Variants in SHANK2 observed in about 807,000 individuals in gnomAD.
The protein encoded by SHANK2 is SH3 and multiple ankyrin repeat domains 2.
SHANK2 carries 43 observed loss-of-function variants against 133.7 expected under a neutral mutation model. That is an observed-to-expected ratio of 0.32 (90% CI 0.25 to 0.41). SHANK2 has a LOEUF of 0.41. Among genes scored for constraint, SHANK2 ranks in the 10% least tolerant of loss-of-function variants. The pLI, the probability that SHANK2 is intolerant of heterozygous loss-of-function variation, is 1.00. For synonymous variants in SHANK2, 1,017 were observed against 952.8 expected, an observed-to-expected ratio of 1.07 and a Z score of -1.24; for missense variants, 1,994 against 2,235.8, an observed-to-expected ratio of 0.89 and a Z score of 2.18.
At chr11:70,797,778 C>A (rs10400268) in intron 14 of SHANK2, among the ~76,000 whole-genome samples, 1 of 151,468 alleles carries the variant, frequency 6.6e-6, no homozygotes, top group Admixed American at 6.6e-5. Flanking sequence ...CGTTCACATG[C>A]GGACTGCTTT....
intron 15 of SHANK2, among the ~76,000 whole-genome samples, chr11:70,697,764 C>T (rs1443050600): frequency 3.3e-5 from 5 of 152,170 alleles, no homozygotes; most frequent in African/African-American, 9.7e-5. Flanking sequence ...AAGAACCCAG[C>T]GTAGGGCTTC....
chr11:70,807,765 G>T lies in SHANK2; in HGVS notation c.1494-594C>A, dbSNP rs969450311. On this transcript the variant is annotated intron_variant, in intron 12 of 25. Transcript: ENST00000601538. This position sits in a 1 kb window ranked among gnomAD's most constrained non-coding sequence, Gnocchi z 4.8. Reference sequence around the variant, plus strand: ...GAATTGCTTAAACCTGGGAGGCGGAGGTTGCGGTGAGCCAAGACTGCACCA... The same window carrying T: ...GAATTGCTTAAACCTGGGAGGCGGATGTTGCGGTGAGCCAAGACTGCACCA... Among the ~76,000 whole-genome samples the T allele has an allele frequency of 2.0e-5, 3 of 152,156 alleles. No individual in the cohort carries two copies. Among genetic ancestry groups the T allele is most frequent in the Non-Finnish European group, 4.4e-5 (3 of 68,036 alleles).
At chr11:70,659,122 C>T (rs1212677820) in intron 17 of SHANK2, among the ~76,000 whole-genome samples, 1 of 152,150 alleles carries the variant, frequency 6.6e-6, no homozygotes, top group South Asian at 2.1e-4. Flanking sequence ...TGTACTGGGG[C>T]CTCCGAACCC....
chr11:70,645,483 A>T (rs189972838), intron 17 of SHANK2, among the ~76,000 whole-genome samples: 3 of 152,346 alleles, frequency 2.0e-5, no homozygotes, highest in Admixed American at 1.3e-4. Context: ...TCATCGAAAA[A>T]CACTCTGGAA....
At chr11:70,856,578 A>T (rs564623427) in intron 11 of SHANK2, among the ~76,000 whole-genome samples, 1 of 152,200 alleles carries the variant, frequency 6.6e-6, no homozygotes, top group African/African-American at 2.4e-5. Flanking sequence ...ATGGGAGGGT[A>T]GATAGATATA....
intron 2 of SHANK2, among the ~76,000 whole-genome samples, chr11:71,209,386 G>A (rs1954201750): frequency 6.6e-6 from 1 of 152,226 alleles, no homozygotes; most frequent in Admixed American, 6.5e-5. Flanking sequence ...CCACGTGCAG[G>A]GCTGACCCAG....
At chr11:70,586,911 T>C (rs2060261812) in intron 17 of SHANK2, among the ~76,000 whole-genome samples, 1 of 151,980 alleles carries the variant, frequency 6.6e-6, no homozygotes, top group African/African-American at 2.4e-5. Context: ...AGGCAAAGTC[T>C]CCCTCTTCCC....
intron 13 of SHANK2, among the ~76,000 whole-genome samples, chr11:70,805,512 C>T (rs1948139040): frequency 6.6e-6 from 1 of 152,236 alleles, no homozygotes; most frequent in African/African-American, 2.4e-5. Flanking sequence ...GCCTTAACAT[C>T]CTTGTCACCC....
At chr11:70,768,926 G>A (rs1285153230) in intron 14 of SHANK2, among the ~76,000 whole-genome samples, 1 of 152,122 alleles carries the variant, frequency 6.6e-6, no homozygotes, top group African/African-American at 2.4e-5. Context: ...GGGGGGTGGG[G>A]AAGGCAGGTG....
chr11:70,539,178 C>T (rs1443074119), intron 17 of SHANK2, among the ~76,000 whole-genome samples: 3 of 152,122 alleles, frequency 2.0e-5, no homozygotes, highest in South Asian at 2.1e-4. Context: ...AGGGAGAGGC[C>T]GGATGGCAGA....
At chr11:70,876,787 G>A (rs1317144928) in intron 11 of SHANK2, among the ~76,000 whole-genome samples, 2 of 152,102 alleles carry the variant, frequency 1.3e-5, no homozygotes, top group African/African-American at 4.8e-5. Context: ...GTCGAGTCTC[G>A]TGAAATGCTC....
At chr11:70,734,631 C>A (rs113173282) in intron 14 of SHANK2, among the ~76,000 whole-genome samples, 4 of 152,324 alleles carry the variant, frequency 2.6e-5, no homozygotes, top group African/African-American at 9.6e-5. Flanking sequence ...CGACCAATAC[C>A]AACTCTCCTC....
intron 3 of SHANK2, among the ~76,000 whole-genome samples, chr11:71,137,299 TAAA>T (rs10534209): frequency 0.032 from 3,579 of 112,708 alleles, 143 homozygotes; most frequent in East Asian, 0.099. Flanking sequence ...AATCCTTACT[TAAA>T]AAAAAAAAAA....
At chr11:70,579,667 T>C in intron 17 of SHANK2, among the ~76,000 whole-genome samples, 1 of 152,240 alleles carries the variant, frequency 6.6e-6, no homozygotes, top group East Asian at 1.9e-4. Flanking sequence ...CAGGTCAGCC[T>C]GCTGTGGTCA....
chr11:71,250,697 C>T (rs1215006339), intron 1 of SHANK2, among the ~76,000 whole-genome samples: 1 of 152,190 alleles, frequency 6.6e-6, no homozygotes. Context: ...GCACCAGGCT[C>T]GGTTCCTAGT....
At chr11:70,786,434 A>T (rs561032645) in intron 14 of SHANK2, among the ~76,000 whole-genome samples, 5 of 152,088 alleles carry the variant, frequency 3.3e-5, no homozygotes, top group Admixed American at 2.6e-4. Context: ...AGGTATTACT[A>T]TCAGGAAGCC....
intron 17 of SHANK2, among the ~76,000 whole-genome samples, chr11:70,554,003 G>A (rs1337760148): frequency 1.3e-5 from 2 of 152,228 alleles, no homozygotes; most frequent in Non-Finnish European, 2.9e-5. Context: ...AAGAGAACTC[G>A]AAATGGCCTG....
At chr11:71,088,549 G>A (rs961999074) in intron 8 of SHANK2, among the ~76,000 whole-genome samples, 5 of 13,656 alleles carry the variant, frequency 3.7e-4, no homozygotes, top group Non-Finnish European at 5.0e-4. Context: ...TCACAACTCA[G>A]CCTTGTCCCC....
At chr11:71,155,500 C>A (rs1952891025) in intron 2 of SHANK2, among the ~76,000 whole-genome samples, 1 of 152,230 alleles carries the variant, frequency 6.6e-6, no homozygotes, top group Middle Eastern at 3.4e-3. Context: ...GGACCTGCCC[C>A]TCCCATGCCC....
Sources: allele counts gnomAD v4.1 joint callset (sites outside exome capture counted in the v4.1 genomes callset), GRCh38; gene constraint gnomAD v4.1.1; non-coding constraint Gnocchi (gnomAD v3.1); transcripts MANE v1.5; gene names NCBI Gene and HGNC (gene_info 2026-07-23, HGNC 2026-07-21).